GRAMD1B: variants seen among roughly 807,000 people sequenced by gnomAD.
The protein encoded by GRAMD1B is protein Aster-B.
GRAMD1B carries 37 observed loss-of-function variants against 99.7 expected under a neutral mutation model. That is an observed-to-expected ratio of 0.37 (90% CI 0.29 to 0.49). GRAMD1B has a LOEUF of 0.49. Among genes scored for constraint, GRAMD1B ranks in the 20% least tolerant of loss-of-function variants. GRAMD1B has a pLI of 0.98. For synonymous variants in GRAMD1B, 427 were observed against 387.6 expected (o/e 1.10, Z -1.19); for missense variants, 888 against 1,009.2 (o/e 0.88, Z 1.63).
rs1345770991 is a variant in GRAMD1B at position 123,610,896 on chromosome 11, T to C, written c.1919+558T>C. 6.6e-6 allele frequency among the ~76,000 whole-genome samples: 1 copy of C among 152,170 alleles called. No homozygotes were observed. The highest frequency in any genetic ancestry group is 2.4e-5 in the African/African-American group (1 of 41,448). ...CGTATCAGAGTCCAGAGAACACTTA[T>C]TAGTGAATAATTAGTTCTGGGCACT... On this transcript the variant is annotated intron_variant, in intron 14 of 19. Transcript: ENST00000635736. This position sits in a 1 kb window ranked among gnomAD's most constrained non-coding sequence, Gnocchi z 4.1.
intron 2 of GRAMD1B, among the ~76,000 whole-genome samples, chr11:123,512,581 G>A (rs917041793): frequency 2.6e-5 from 4 of 152,058 alleles, no homozygotes; most frequent in African/African-American, 9.7e-5. Flanking sequence ...GCCAGGGGTG[G>A]TGGCATGCAC....
chr11:123,587,659 A>C lies in GRAMD1B; in HGVS notation c.684+3327A>C, dbSNP rs1054726993. On this transcript the variant is annotated intron_variant, in intron 4 of 19. Coordinates refer to ENST00000635736, the MANE Select transcript of GRAMD1B (RefSeq NM_001387025.1). This position sits in a 1 kb window ranked among gnomAD's most constrained non-coding sequence, Gnocchi z 4.2. ...GAAGGAGCATTTCTGAGATCAGAGC[A>C]CAGGAGCCCAGACCCTGGCAGCCGC... Among the ~76,000 whole-genome samples the C allele has an allele frequency of 6.6e-6, 1 of 152,166 alleles. No individual in the cohort carries two copies. The highest frequency in any genetic ancestry group is 2.4e-5 in the African/African-American group (1 of 41,452).
intron 2 of GRAMD1B, among the ~76,000 whole-genome samples, chr11:123,526,327 C>G (rs1422538801): frequency 1.3e-5 from 2 of 152,180 alleles, no homozygotes; most frequent in Non-Finnish European, 2.9e-5. Flanking sequence ...TTGGGGTACT[C>G]TCCCTGGCTC....
chr11:123,510,858 T>C lies in GRAMD1B; in HGVS notation c.452+29965T>C, dbSNP rs947264676. Reference sequence around the variant, plus strand: ...GGGAAATGTTGTGAGCACCAAGACCTCAGGAGAGGCGAGGAGGTGCCAGGT... The same window carrying C: ...GGGAAATGTTGTGAGCACCAAGACCCCAGGAGAGGCGAGGAGGTGCCAGGT... On this transcript the variant is annotated intron_variant, in intron 2 of 19. Transcript: ENST00000635736. This position sits in a 1 kb window ranked among gnomAD's most constrained non-coding sequence, Gnocchi z 4.3. Among the ~76,000 whole-genome samples, 5 of 152,060 alleles carry C rather than the reference T, an allele frequency of 3.3e-5. No homozygotes were observed. The highest frequency in any genetic ancestry group is 1.2e-4 in the African/African-American group (5 of 41,408).
intron 2 of GRAMD1B, among the ~76,000 whole-genome samples, chr11:123,545,457 C>T (rs951091893): frequency 1.3e-5 from 2 of 152,330 alleles, no homozygotes; most frequent in Middle Eastern, 3.4e-3. Context: ...ATCAGAATAT[C>T]TGCCTGGGGC....
chr11:123,577,931 C>T (rs758604958), intron 3 of GRAMD1B, among the ~76,000 whole-genome samples: 1 of 152,022 alleles, frequency 6.6e-6, no homozygotes, highest in Non-Finnish European at 1.5e-5. Flanking sequence ...TTATTTGGGA[C>T]ATTATACTGC....
chr11:123,565,688 G>T (rs759392808), intron 2 of GRAMD1B, among the ~76,000 whole-genome samples: 82 of 152,172 alleles, frequency 5.4e-4, no homozygotes, highest in African/African-American at 2.0e-3. Flanking sequence ...GATGGCTGTT[G>T]TCAGGGCCAT....
chr11:123,444,212 A>G (rs919643371), intron 1 of GRAMD1B, among the ~76,000 whole-genome samples: 3 of 152,194 alleles, frequency 2.0e-5, no homozygotes, highest in Non-Finnish European at 4.4e-5. Flanking sequence ...ATTTCAAAAT[A>G]TAACAAAGAA....
intron 2 of GRAMD1B, among the ~76,000 whole-genome samples, chr11:123,555,285 G>C: frequency 6.6e-6 from 1 of 152,286 alleles, no homozygotes; most frequent in South Asian, 2.1e-4. Flanking sequence ...TATTATACAA[G>C]CACCTTTTGC....
intron 1 of GRAMD1B, among the ~76,000 whole-genome samples, chr11:123,378,329 T>A (rs1002428762): frequency 6.6e-6 from 1 of 152,226 alleles, no homozygotes; most frequent in Middle Eastern, 3.2e-3. Context: ...CCAGCTCTGC[T>A]ACTCCCTAGC....
At chr11:123,446,939 GAAAA>G (rs1233386743) in intron 1 of GRAMD1B, among the ~76,000 whole-genome samples, 1 of 151,734 alleles carries the variant, frequency 6.6e-6, no homozygotes, top group African/African-American at 2.4e-5. Flanking sequence ...AGGAAAGAAA[GAAAA>G]AGAAAGGGAG....
At chr11:123,399,488 T>C (rs948881152) in intron 1 of GRAMD1B, among the ~76,000 whole-genome samples, 1 of 152,190 alleles carries the variant, frequency 6.6e-6, no homozygotes, top group Non-Finnish European at 1.5e-5. Context: ...TTTTATTTAT[T>C]TATTTTTTTT....
chr11:123,421,946 AT>A (rs766979206), intron 1 of GRAMD1B, among the ~76,000 whole-genome samples: 1 of 152,240 alleles, frequency 6.6e-6, no homozygotes, highest in African/African-American at 2.4e-5. Flanking sequence ...AGACTCAGAT[AT>A]TTTTTAAATC....
chr11:123,564,499 C>T (rs1463801355), intron 2 of GRAMD1B, among the ~76,000 whole-genome samples: 1 of 152,234 alleles, frequency 6.6e-6, no homozygotes, highest in Non-Finnish European at 1.5e-5. Context: ...CCACCTAACT[C>T]CTGGGGGCTA....
At chr11:123,464,234 T>C (rs1434305143) in intron 1 of GRAMD1B, among the ~76,000 whole-genome samples, 2 of 151,270 alleles carry the variant, frequency 1.3e-5, no homozygotes, top group Non-Finnish European at 1.5e-5. Flanking sequence ...AGCCTGGGAG[T>C]TGAAGACTGC....
intron 2 of GRAMD1B, among the ~76,000 whole-genome samples, chr11:123,551,483 T>C (rs767782782): frequency 1.3e-5 from 2 of 152,192 alleles, no homozygotes. Flanking sequence ...TCATCTCCCC[T>C]TCACAGATGG....
At chr11:123,364,439 T>A (rs1946250924) in intron 1 of GRAMD1B, among the ~76,000 whole-genome samples, 1 of 152,246 alleles carries the variant, frequency 6.6e-6, no homozygotes, top group South Asian at 2.1e-4. Context: ...AAAGGCAGGA[T>A]TGACAGTCTA....
chr11:123,581,069 A>G (rs1311494386), intron 3 of GRAMD1B, among the ~76,000 whole-genome samples: 2 of 151,568 alleles, frequency 1.3e-5, no homozygotes, highest in African/African-American at 4.8e-5. Flanking sequence ...TTAATCTTCC[A>G]GACTCCCGGA....
intron 1 of GRAMD1B, among the ~76,000 whole-genome samples, chr11:123,403,840 G>C (rs972386467): frequency 6.6e-6 from 1 of 152,026 alleles, no homozygotes; most frequent in African/African-American, 2.4e-5. Context: ...CACCGCGCCC[G>C]GCCTGCTTGT....
Sources: gnomAD v4.1 joint callset for allele counts (sites outside exome capture counted in the v4.1 genomes callset) on GRCh38, gnomAD v4.1.1 for gene constraint, Gnocchi (gnomAD v3.1) non-coding constraint, MANE v1.5 for transcripts, NCBI Gene and HGNC (gene_info 2026-07-23, HGNC 2026-07-21) for gene names.